DGLUCY: variants seen among roughly 807,000 people sequenced by gnomAD.
DGLUCY encodes D-glutamate cyclase.
Under a neutral mutation model 58.5 loss-of-function variants are expected in DGLUCY, and 58 were observed. The observed-to-expected ratio is 0.99, with a 90% CI of 0.80 to 1.23. DGLUCY has a LOEUF of 1.23. DGLUCY is among the 50% of genes most tolerant of loss of function. The probability of loss-of-function intolerance (pLI) is 0.00; values close to 1 mark genes in which losing one functional copy is unlikely to be tolerated. For synonymous variants in DGLUCY, 325 were observed against 314.1 expected, an observed-to-expected ratio of 1.03 and a Z score of -0.37; for missense variants, 779 against 784.7, an observed-to-expected ratio of 0.99 and a Z score of 0.09.
intron 1 of DGLUCY, among the ~76,000 whole-genome samples, chr14:91,102,976 G>A (rs1343647745): frequency 1.3e-5 from 2 of 151,946 alleles, no homozygotes; most frequent in African/African-American, 4.8e-5. Context: ...TGGCAAGGCT[G>A]GTCTCGAACT....
chr14:91,142,795 C>A (rs2046773991), intron 1 of DGLUCY, among the ~76,000 whole-genome samples: 1 of 100,270 alleles, frequency 1.0e-5, no homozygotes, highest in Admixed American at 1.2e-4. Context: ...GACACCCCAT[C>A]TCTACTAAAC....
In DGLUCY at chr14:91,175,800, C is replaced by T. The variant is rs185548479; in HGVS notation, c.608-134C>T. ...AGCCTTAATCCCTATTCTCCTTCAC[C>T]TCTTCCTCAAATACCATTTACAATA... On this transcript the variant is annotated intron_variant, in intron 6 of 13. Transcript: ENST00000256324. 3.9e-6 allele frequency: 4 copies of T among 1,031,188 alleles called. No individual in the cohort carries two copies. In the Admixed American group the frequency reaches 6.3e-5, roughly 16 times the overall value. 63.9% of individuals were successfully genotyped at this position (1,031,188 alleles called of 1,614,324 possible). A position where few individuals can be genotyped will look rare whatever the true frequency, so the allele number is the denominator to read the frequency against.
At chr14:91,187,858 T>TC (rs2049618035) in intron 8 of DGLUCY, among the ~76,000 whole-genome samples, 1 of 152,180 alleles carries the variant, frequency 6.6e-6, no homozygotes, top group South Asian at 2.1e-4. Context: ...TGTTTTTTTT[T>TC]CCGCTTTCCC....
chr14:91,129,546 G>A lies in DGLUCY; in HGVS notation c.-82+15263G>A, dbSNP rs146689273. ...AGCCTAGGAATTCAAGACCAGCCTG[G>A]GCAATATAGGGAGACCCCTTCACTA... On this transcript the variant is annotated intron_variant, in intron 1 of 13. Transcript: ENST00000256324. Among the ~76,000 whole-genome samples the A allele has an allele frequency of 2.6e-3, 395 of 151,042 alleles. 3 individuals carry two copies. Among genetic ancestry groups the A allele is most frequent in the African/African-American group, 9.2e-3 (378 of 41,092 alleles).
At chr14:91,198,873 G>A (rs1252588099) in intron 10 of DGLUCY, among the ~76,000 whole-genome samples, 2 of 152,080 alleles carry the variant, frequency 1.3e-5, no homozygotes, top group Admixed American at 1.3e-4. Context: ...TAAGCAATTT[G>A]CCCAAGGCCC....
At chr14:91,161,306 G>A (rs183093005) in intron 3 of DGLUCY, among the ~76,000 whole-genome samples, 205 of 152,326 alleles carry the variant, frequency 1.3e-3, no homozygotes, top group African/African-American at 4.5e-3. Flanking sequence ...TCCTGACCTC[G>A]TGATCCGCTC....
At chr14:91,106,180 C>T (rs933196271), upstream of DGLUCY, among the ~76,000 whole-genome samples, 1 of 151,652 alleles carries the variant, frequency 6.6e-6, no homozygotes, top group African/African-American at 2.4e-5. Flanking sequence ...TGGTGACGTG[C>T]GCCTGTAATC....
intron 1 of DGLUCY, among the ~76,000 whole-genome samples, chr14:91,119,233 C>G (rs2045198214): frequency 1.3e-5 from 2 of 152,116 alleles, no homozygotes; most frequent in African/African-American, 2.4e-5. Context: ...TCTGCATAGT[C>G]AAAAGTGACT....
At chr14:91,145,163 C>T (rs546789412) in intron 1 of DGLUCY, 3 of 152,244 alleles carry the variant, frequency 2.0e-5, no homozygotes, top group Admixed American at 1.3e-4. Flanking sequence ...AGGCTGGAGG[C>T]TTCTCCTACG....
In DGLUCY at chr14:91,196,349, G is replaced by T. The variant is rs758590372; in HGVS notation, c.1196-26G>T. The T allele has an allele frequency of 1.9e-5, 30 of 1,601,924 alleles. 2 individuals carry two copies. The South Asian group carries it at 3.3e-4, about 18-fold the overall frequency. Reference sequence around the variant, plus strand: ...CAAAAGCCAACACTAGAGCTGATGTGTGCCCTGCTTGCCTTTATTTTCAAG... The same window carrying T: ...CAAAAGCCAACACTAGAGCTGATGTTTGCCCTGCTTGCCTTTATTTTCAAG... On this transcript the variant is annotated intron_variant, in intron 9 of 13. Coordinates refer to ENST00000256324, the MANE Select transcript of DGLUCY (RefSeq NM_001102368.3).
intron 1 of DGLUCY, among the ~76,000 whole-genome samples, chr14:91,095,284 T>A (rs1303411232): frequency 6.6e-6 from 1 of 151,836 alleles, no homozygotes; most frequent in Non-Finnish European, 1.5e-5. Flanking sequence ...CTTCTAGGAG[T>A]CATGGTTGGG....
At chr14:91,188,011 T>A (rs1025784324) in intron 8 of DGLUCY, among the ~76,000 whole-genome samples, 7 of 152,116 alleles carry the variant, frequency 4.6e-5, no homozygotes, top group Non-Finnish European at 8.8e-5. Flanking sequence ...TTTCCCTGTA[T>A]TAGTTAGGGT....
At chr14:91,108,522 TGTGTGAGA>T (rs1222996544) in intron 1 of DGLUCY, among the ~76,000 whole-genome samples, 82 of 73,940 alleles carry the variant, frequency 1.1e-3, no homozygotes, top group African/African-American at 3.3e-3. Flanking sequence ...TGTGTGTGTG[TGTGTGAGA>T]GAGAGAGAGA....
intron 12 of DGLUCY, among the ~76,000 whole-genome samples, chr14:91,212,328 G>A (rs189879064): frequency 8.6e-5 from 13 of 151,636 alleles, no homozygotes; most frequent in Non-Finnish European, 8.8e-5. Context: ...GCAATGTAGC[G>A]AGAACTTGTC....
chr14:91,102,495 G>A (rs191463282), intron 1 of DGLUCY, among the ~76,000 whole-genome samples: 9 of 151,964 alleles, frequency 5.9e-5, no homozygotes, highest in South Asian at 2.1e-4. Context: ...CTCCGGCCCC[G>A]GGACTGTCGA....
chr14:91,060,547 C>T (rs2043628619), exon 1 of DGLUCY: 1 of 1,201,372 alleles, frequency 8.3e-7, no homozygotes, highest in South Asian at 3.6e-5. Context: ...TGCGGCGGCT[C>T]CAGAACTCGG....
chr14:91,184,221 G>A (rs1342403031), intron 8 of DGLUCY, among the ~76,000 whole-genome samples: 1 of 151,974 alleles, frequency 6.6e-6, no homozygotes. Context: ...CCCCAAAACA[G>A]ACAGGCTGGG....
intron 13 of DGLUCY, among the ~76,000 whole-genome samples, 190 bp from the exon 14 acceptor site, chr14:91,224,494 A>G (rs993892846): frequency 1.1e-4 from 16 of 152,238 alleles, no homozygotes; most frequent in South Asian, 4.1e-4. Context: ...TTGGGGGCCA[A>G]TGAGCTGTGA....
intron 1 of DGLUCY, among the ~76,000 whole-genome samples, chr14:91,153,966 T>C (rs949489235): frequency 1.6e-4 from 24 of 152,068 alleles, no homozygotes; most frequent in African/African-American, 5.8e-4. Context: ...AGTGCAGTGG[T>C]GCGATCTCGA....
Sources: gnomAD v4.1 joint callset for allele counts (sites outside exome capture counted in the v4.1 genomes callset) on GRCh38, gnomAD v4.1.1 for gene constraint, MANE v1.5 for transcripts, NCBI Gene and HGNC (gene_info 2026-07-23, HGNC 2026-07-21) for gene names.